Variants in RP1 observed in about 807,000 individuals in gnomAD.
RP1 encodes oxygen-regulated protein 1.
In RP1, 16 loss-of-function variants were observed where a neutral mutation model predicts 14.8. The ratio of observed to expected loss-of-function variants is 1.08; its 90% CI spans 0.73 to 1.65. The LOEUF (loss-of-function observed/expected upper bound fraction) is 1.65, where lower values mean the gene tolerates loss of function less well. RP1 is among the 40% of genes most tolerant of loss of function. The pLI is 0.00. For missense variants in RP1, 2,631 were observed against 2,535.0 expected, an observed-to-expected ratio of 1.04 and a Z score of -0.81; for synonymous variants, 876 against 883.6, an observed-to-expected ratio of 0.99 and a Z score of 0.15.
intron 6 of RP1, among the ~76,000 whole-genome samples, chr8:54,658,552 A>C (rs940278440): frequency 4.1e-5 from 6 of 147,160 alleles, no homozygotes. Context: ...CTCCGTCTCA[A>C]AAAAAAAAAA....
At chr8:54,783,735 G>T in intron 24 of RP1, 3 of 1,214,768 alleles carry the variant, frequency 2.5e-6, no homozygotes, top group Non-Finnish European at 3.1e-6. Context: ...GCTATAACTT[G>T]TTTGCTAAGA....
Position 54,630,403 on chromosome 8 carries a change from A to G in RP1, c.*50A>G. On this transcript the variant is annotated 3_prime_UTR_variant, in exon 4 of 4. Coordinates refer to ENST00000220676, the MANE Select transcript of RP1 (RefSeq NM_006269.2). ...TTGTCAATTCATTTTTTCCCATGAG[A>G]TGAAGCACATGTGACGAATACGGAC... 6.2e-7 allele frequency: 1 copy of G among 1,606,560 alleles called. No homozygotes were observed. The highest frequency in any genetic ancestry group is 1.1e-5 in the South Asian group (1 of 89,668).
chr8:54,604,896 A>AT (rs960906975), intron 1 of RP1, among the ~76,000 whole-genome samples: 1 of 151,928 alleles, frequency 6.6e-6, no homozygotes, highest in Non-Finnish European at 1.5e-5. Context: ...CCTCTTTGTC[A>AT]TTTTTTATTG....
chr8:54,853,924 G>A (rs1313778817), intron 26 of RP1, among the ~76,000 whole-genome samples: 2 of 137,818 alleles, frequency 1.5e-5, no homozygotes, highest in East Asian at 2.1e-4. Flanking sequence ...AAAGAAAAAA[G>A]GGAGAGAGAG....
intron 27 of RP1, among the ~76,000 whole-genome samples, chr8:54,863,681 A>G (rs889000465): frequency 2.6e-5 from 4 of 152,222 alleles, no homozygotes; most frequent in African/African-American, 9.6e-5. Context: ...CTTTGCATGG[A>G]ATCTATATGC....
At chr8:54,800,324 G>A (rs897911904) in intron 24 of RP1, among the ~76,000 whole-genome samples, 1 of 151,864 alleles carries the variant, frequency 6.6e-6, no homozygotes, top group African/African-American at 2.4e-5. Context: ...TGTGTTGGGG[G>A]GGTGTGTGTA....
chr8:54,605,024 G>GT (rs1315619988), intron 1 of RP1, among the ~76,000 whole-genome samples: 33 of 151,888 alleles, frequency 2.2e-4, no homozygotes, highest in Non-Finnish European at 3.1e-4. Context: ...AGGGTTTTTT[G>GT]TGTCTCTATT....
In RP1 at chr8:54,680,552, T is replaced by C. The variant is rs565247543; in HGVS notation, c.1717+619T>C. ...TACTTTACTATGCTGGAAACCGTGCTGTTCAGTCTCGAGGATGTGCTGGAG... is the reference window on the plus strand; with the variant it reads ...TACTTTACTATGCTGGAAACCGTGCCGTTCAGTCTCGAGGATGTGCTGGAG... On this transcript the variant is annotated intron_variant, in intron 12 of 22. Coordinates refer to the RP1 transcript ENST00000636932. 5.3e-5 allele frequency among the ~76,000 whole-genome samples: 8 copies of C among 152,346 alleles called. No homozygotes were observed. In the East Asian group the frequency reaches 1.5e-3, roughly 29 times the overall value.
rs753215333 is a variant in RP1 at position 54,628,220 on chromosome 8, A to C, written c.4338A>C (p.Glu1446Asp). 2.5e-6 allele frequency: 4 copies of C among 1,614,024 alleles called. No individual in the cohort carries two copies. Among genetic ancestry groups the C allele is most frequent in the Non-Finnish European group, 3.4e-6 (4 of 1,179,932 alleles). ...ATATGGAAGAACCACGGACTTCTGAAGAACCAGGCTCAATAACCAACAGCA... is the reference window on the plus strand; with the variant it reads ...ATATGGAAGAACCACGGACTTCTGACGAACCAGGCTCAATAACCAACAGCA... The part of the protein sequence containing the change: ...SFDMEEPRTS[E>D]EPGSITNSMT... Residue 1446 changes from glutamate (E) to aspartate (D), a missense_variant, in exon 4 of 4, where the codon GAA becomes GAC. Transcript: ENST00000220676.
intron 26 of RP1, among the ~76,000 whole-genome samples, chr8:54,854,100 T>C (rs1363168108): frequency 6.6e-6 from 1 of 152,070 alleles, no homozygotes; most frequent in Non-Finnish European, 1.5e-5. Flanking sequence ...GGATCTGCAG[T>C]TTTAATGTAA....
chr8:54,720,364 G>A (rs1808506511), intron 16 of RP1: 5 of 1,395,324 alleles, frequency 3.6e-6, no homozygotes, highest in Non-Finnish European at 4.7e-6. Flanking sequence ...TTTGTGTACA[G>A]TGTCTGAAAA....
chr8:54,783,575 T>C, exon 24 of RP1: 1 of 1,231,688 alleles, frequency 8.1e-7, no homozygotes, highest in African/African-American at 1.5e-5. Flanking sequence ...CCATTGTCAC[T>C]GGGGATCTTG....
intron 22 of RP1, chr8:54,759,203 T>A: frequency 1.1e-6 from 1 of 934,396 alleles, no homozygotes; most frequent in Non-Finnish European, 1.5e-6. Flanking sequence ...TTTGTTTCAT[T>A]AACTCAGATT....
At chr8:54,755,121 T>A (rs1285945209) in intron 20 of RP1, among the ~76,000 whole-genome samples, 1 of 152,096 alleles carries the variant, frequency 6.6e-6, no homozygotes, top group South Asian at 2.1e-4. Flanking sequence ...TTAAATGTAA[T>A]CTCAAAATTG....
intron 24 of RP1, among the ~76,000 whole-genome samples, chr8:54,825,924 C>A (rs970138393): frequency 5.3e-5 from 8 of 151,870 alleles, no homozygotes; most frequent in African/African-American, 1.9e-4. Flanking sequence ...AAAAATCAGC[C>A]TGGTGCAATG....
Position 54,621,293 on chromosome 8 carries a change from C to A in RP1, c.327C>A (p.Gly109=). 1 of 1,613,900 alleles carries A rather than the reference C, an allele frequency of 6.2e-7. No homozygotes were observed. Among genetic ancestry groups the A allele is most frequent in the Non-Finnish European group, 8.5e-7 (1 of 1,180,008 alleles). The change falls in exon 2 of 4, where the codon GGC becomes GGA. Residue 109 remains glycine, a synonymous_variant. Coordinates refer to ENST00000220676, the MANE Select transcript of RP1 (RefSeq NM_006269.2). ...EDGESYLCSH[G]RKVQPVDLDK... ...GCGAGTCCTACCTATGTTCCCACGG[C>A]AGGAAGGTGCAGCCTGTAGACCTGG...
intron 12 of RP1, among the ~76,000 whole-genome samples, chr8:54,689,081 A>G (rs898857086): frequency 3.3e-5 from 5 of 152,246 alleles, no homozygotes; most frequent in Middle Eastern, 3.4e-3. Context: ...GCAATCGTGA[A>G]TGGGAGTTCA....
exon 29 of RP1, chr8:54,870,059 G>T: frequency 2.3e-6 from 1 of 444,412 alleles, no homozygotes; most frequent in East Asian, 3.6e-5. Flanking sequence ...GTCAGTTTGT[G>T]TTGGACCCAC....
chr8:54,580,587 G>A lies in RP1; in HGVS notation c.-13+21267G>A, dbSNP rs183707107. On this transcript the variant is annotated intron_variant, in intron 1 of 22. Coordinates refer to the RP1 transcript ENST00000636932. ...CCCAAAGTGCTGGGATTACAGGCGTGAGCCACTGTGCCTGGCCAATGTAGA... is the reference window on the plus strand; with the variant it reads ...CCCAAAGTGCTGGGATTACAGGCGTAAGCCACTGTGCCTGGCCAATGTAGA... 9.0e-4 allele frequency among the ~76,000 whole-genome samples: 137 copies of A among 152,044 alleles called. 1 individual carries two copies. The highest frequency in any genetic ancestry group is 3.2e-3 in the African/African-American group (132 of 41,468).
Sources: gnomAD v4.1 joint callset for allele counts (sites outside exome capture counted in the v4.1 genomes callset) on GRCh38, gnomAD v4.1.1 for gene constraint, MANE v1.5 for transcripts, NCBI Gene and HGNC (gene_info 2026-07-23, HGNC 2026-07-21) for gene names.